The following THRAP3 variants were observed in gnomAD, a reference collection of about 807,000 sequenced individuals.
The protein encoded by THRAP3 is thyroid hormone receptor-associated protein 3.
THRAP3 carries 16 observed loss-of-function variants against 101.0 expected under a neutral mutation model. That is an observed-to-expected ratio of 0.16 (90% CI 0.11 to 0.24). THRAP3 has a LOEUF of 0.24. THRAP3 is among the 10% of genes least tolerant of loss of function. THRAP3 has a pLI of 1.00. For synonymous variants in THRAP3, 407 were observed against 422.6 expected (o/e 0.96, Z 0.45); for missense variants, 989 against 1,202.7 (o/e 0.82, Z 2.63).
At chr1:36,247,298 CAG>C (rs1031700820) in intron 1 of THRAP3, among the ~76,000 whole-genome samples, 15 of 151,900 alleles carry the variant, frequency 9.9e-5, no homozygotes, top group Admixed American at 3.9e-4. Context: ...GCCTGGGCGA[CAG>C]AGCGAGACTC....
At chr1:36,212,588 T>C in the THRAP3 span, among the ~76,000 whole-genome samples, 8 of 151,694 alleles carry the variant, frequency 5.3e-5, no homozygotes, top group African/African-American at 1.9e-4. Context: ...GCTCGGCCAG[T>C]TTTTGTATTT....
At chr1:36,271,591 CTTTTTTTTTTTTTT>C (rs34782789) in intron 2 of THRAP3, among the ~76,000 whole-genome samples, 2 of 60,122 alleles carry the variant, frequency 3.3e-5, no homozygotes, top group African/African-American at 1.2e-4. Flanking sequence ...TTTTTCTTAT[CTTTTTTTTTTTTTT>C]TTTTTTTTTG....
chr1:36,271,060 C>A (rs1223091864), intron 2 of THRAP3, among the ~76,000 whole-genome samples: 3 of 152,166 alleles, frequency 2.0e-5, no homozygotes, highest in Non-Finnish European at 4.4e-5. Flanking sequence ...TCATATCCCT[C>A]CTTCTCCTGT....
intron 2 of THRAP3, among the ~76,000 whole-genome samples, chr1:36,274,090 A>AGTGT (rs1557437768): frequency 2.8e-5 from 4 of 143,860 alleles, no homozygotes; most frequent in African/African-American, 8.7e-5. Flanking sequence ...ACACACACAC[A>AGTGT]CACACACACA....
chr1:36,278,743 G>A (rs1445555371), intron 2 of THRAP3, among the ~76,000 whole-genome samples: 1 of 152,042 alleles, frequency 6.6e-6, no homozygotes, highest in East Asian at 1.9e-4. Flanking sequence ...CTAACACAGT[G>A]AAACCCCGTC....
At chr1:36,279,518 T>C (rs938700507) in intron 2 of THRAP3, among the ~76,000 whole-genome samples, 1 of 152,256 alleles carries the variant, frequency 6.6e-6, no homozygotes, top group South Asian at 2.1e-4. Flanking sequence ...TACTCCTTTA[T>C]TCTGACTTCA....
Position 36,304,676 on chromosome 1 carries a change from T to C in THRAP3, c.*659T>C, listed in dbSNP as rs1033404779. 1.4e-5 allele frequency: 3 copies of C among 218,110 alleles called. No homozygotes were observed. Among genetic ancestry groups the C allele is most frequent in the Non-Finnish European group, 2.8e-5 (3 of 108,262 alleles). 13.5% of individuals were successfully genotyped at this position (218,110 alleles called of 1,614,324 possible). A position where few individuals can be genotyped will look rare whatever the true frequency, so the allele number is the denominator to read the frequency against. On this transcript the variant is annotated 3_prime_UTR_variant, in exon 12 of 12. Transcript: ENST00000354618. ...TGTGTTCCCCTTTTCTGCGCAGCCA[T>C]GTATCACGTGGAGTTGCTCCTTACC...
chr1:36,259,985 G>C (rs1366039773), intron 2 of THRAP3, among the ~76,000 whole-genome samples: 1 of 152,080 alleles, frequency 6.6e-6, no homozygotes, highest in Non-Finnish European at 1.5e-5. Flanking sequence ...GCTCCTGACT[G>C]TAATCCCAGC....
chr1:36,214,058 GAAA>G, the THRAP3 span, among the ~76,000 whole-genome samples: 3 of 133,230 alleles, frequency 2.3e-5, no homozygotes, highest in Non-Finnish European at 3.3e-5. Context: ...AAGAAAGAAA[GAAA>G]GAAAGACAAC....
At chr1:36,219,932 T>C (rs1644894272), upstream of THRAP3, among the ~76,000 whole-genome samples, 1 of 152,186 alleles carries the variant, frequency 6.6e-6, no homozygotes, top group African/African-American at 2.4e-5. Flanking sequence ...CTAAGGCCCT[T>C]AAGAATTACG....
intron 2 of THRAP3, among the ~76,000 whole-genome samples, chr1:36,275,138 A>AC (rs1645641487): frequency 1.8e-5 from 2 of 109,116 alleles, no homozygotes; most frequent in African/African-American, 3.1e-5. Flanking sequence ...CACACACACA[A>AC]AATTAGCTGG....
chr1:36,238,687 T>C (rs4653166), intron 1 of THRAP3, among the ~76,000 whole-genome samples: 147,079 of 152,222 alleles, frequency 0.97, 71,290 homozygotes, highest in Middle Eastern at 1. Context: ...GTGTAATGAG[T>C]GAGCTTTTCG....
At chr1:36,268,063 C>A (rs1645536299) in intron 2 of THRAP3, among the ~76,000 whole-genome samples, 1 of 151,808 alleles carries the variant, frequency 6.6e-6, no homozygotes, top group Non-Finnish European at 1.5e-5. Flanking sequence ...AGCTGTAATC[C>A]CAGCTACTCG....
intron 1 of THRAP3, among the ~76,000 whole-genome samples, chr1:36,252,125 TTTTA>T (rs1294931674): frequency 3.3e-5 from 5 of 152,178 alleles, no homozygotes; most frequent in African/African-American, 1.2e-4. Context: ...TTATTTTTAT[TTTTA>T]TTTATTTATT....
intron 3 of THRAP3, among the ~76,000 whole-genome samples, 180 bp downstream of exon 3, chr1:36,282,880 G>A (rs1298716631): frequency 6.6e-6 from 1 of 152,184 alleles, no homozygotes; most frequent in Non-Finnish European, 1.5e-5. Context: ...GATCAGCTTT[G>A]ACTGCCATGC....
At chr1:36,237,274 C>T (rs1460739914) in intron 1 of THRAP3, among the ~76,000 whole-genome samples, 1 of 151,986 alleles carries the variant, frequency 6.6e-6, no homozygotes, top group Non-Finnish European at 1.5e-5. Flanking sequence ...TCAAGACCAT[C>T]CTAGCCAGCA....
intron 3 of THRAP3, 106 bp downstream of exon 3, chr1:36,282,806 G>A: frequency 2.2e-6 from 3 of 1,350,812 alleles, no homozygotes. Context: ...ATGGACTGGG[G>A]GGTTGGCTTG....
intron 2 of THRAP3, among the ~76,000 whole-genome samples, chr1:36,271,363 A>C (rs139929704): frequency 2.0e-5 from 3 of 151,748 alleles, no homozygotes; most frequent in African/African-American, 7.3e-5. Context: ...GCTCACTGCA[A>C]CCTCCGCCTC....
chr1:36,230,704 T>A (rs1645018846), intron 1 of THRAP3, among the ~76,000 whole-genome samples: 1 of 152,220 alleles, frequency 6.6e-6, no homozygotes, highest in African/African-American at 2.4e-5. Context: ...AGTTGAGTTA[T>A]ACCACTGAAA....
Sources: allele counts gnomAD v4.1 joint callset (sites outside exome capture counted in the v4.1 genomes callset), GRCh38; gene constraint gnomAD v4.1.1; transcripts MANE v1.5; gene names NCBI Gene and HGNC (gene_info 2026-07-23, HGNC 2026-07-21).